CSMD1: variants seen among roughly 807,000 people sequenced by gnomAD.
CSMD1 encodes the protein CUB and Sushi multiple domains 1.
In CSMD1, 213 loss-of-function variants were observed where a neutral mutation model predicts 417.5. The observed-to-expected ratio is 0.51, with a 90% CI of 0.46 to 0.57. The LOEUF (loss-of-function observed/expected upper bound fraction) is 0.57. Ranked by LOEUF, CSMD1 falls within the 20% of genes least tolerant of loss-of-function variation. The pLI is 0.00. For synonymous variants in CSMD1, 2,862 were observed against 1,736.8 expected, an observed-to-expected ratio of 1.65 and a Z score of -16.11; for missense variants, 6,923 against 4,529.7, an observed-to-expected ratio of 1.53 and a Z score of -15.17.
At chr8:3,992,533 C>A (rs898643150) in intron 5 of CSMD1, among the ~76,000 whole-genome samples, 3 of 152,128 alleles carry the variant, frequency 2.0e-5, no homozygotes, top group South Asian at 2.1e-4. Context: ...GCCTGTAATT[C>A]CACACTTTGG....
At chr8:4,035,867 G>T (rs191010114) in intron 3 of CSMD1, among the ~76,000 whole-genome samples, 8 of 152,126 alleles carry the variant, frequency 5.3e-5, no homozygotes, top group African/African-American at 1.7e-4. Flanking sequence ...GTCGTACATA[G>T]TCCCGTCCGA....
intron 3 of CSMD1, among the ~76,000 whole-genome samples, chr8:4,080,392 G>T (rs939547784): frequency 2.0e-5 from 3 of 152,150 alleles, no homozygotes; most frequent in Admixed American, 6.6e-5. Flanking sequence ...TCTACATATT[G>T]AATTTCCAAA....
At chr8:4,395,011 C>A (rs58270666) in intron 3 of CSMD1, among the ~76,000 whole-genome samples, 4,579 of 152,246 alleles carry the variant, frequency 0.03, 217 homozygotes, top group African/African-American at 0.1. Flanking sequence ...AGGAGGTAGA[C>A]CCTTTCCCTC....
intron 2 of CSMD1, among the ~76,000 whole-genome samples, chr8:4,452,722 C>G (rs77584844): frequency 6.6e-6 from 1 of 151,932 alleles, no homozygotes. Flanking sequence ...TAAATCAACA[C>G]GGACACAGAC....
rs192087108 is a variant in CSMD1 at position 4,219,149 on chromosome 8, G to A, written c.416-187050C>T. Among the ~76,000 whole-genome samples the A allele has an allele frequency of 2.0e-5, 3 of 152,212 alleles. No homozygotes were observed. The East Asian group carries it at 5.8e-4, about 29-fold the overall frequency. On this transcript the variant is annotated intron_variant, in intron 3 of 69. Transcript: ENST00000635120. ...TCCTTTCATCTGTGCCCTTTTTGTA[G>A]CACCTGGTGTTGTGTTCCCATCTCC...
intron 7 of CSMD1, among the ~76,000 whole-genome samples, chr8:3,646,809 C>G (rs1010593269): frequency 2.0e-5 from 3 of 152,094 alleles, no homozygotes; most frequent in Non-Finnish European, 4.4e-5. Context: ...CCAGCCCTGT[C>G]TTGCTTCCCC....
chr8:3,387,555 G>T lies in CSMD1; in HGVS notation c.2721C>A (p.Asp907Glu), dbSNP rs199764157. Reference sequence around the variant, plus strand: ...TCCTCTCACAGACGAGGGGCTCGTCGTCACTTAGTGTGTACCCCGGGTCAC... The same window carrying T: ...TCCTCTCACAGACGAGGGGCTCGTCTTCACTTAGTGTGTACCCCGGGTCAC... ...FSCDPGYTLS[D>E]DEPLVCERNH... Residue 907 changes from aspartate (D) to glutamate (E), a missense_variant, in exon 18 of 70, where the codon GAC (aspartate) becomes GAA (glutamate). By Grantham distance (45) the Asp-to-Glu change is conservative. Coordinates refer to ENST00000635120, the MANE Select transcript of CSMD1 (RefSeq NM_033225.6). 2 of 1,601,370 alleles carry T rather than the reference G, an allele frequency of 1.2e-6. No individual in the cohort carries two copies. Among genetic ancestry groups the T allele is most frequent in the Non-Finnish European group, 1.7e-6 (2 of 1,174,030 alleles).
At chr8:3,699,448 G>T (rs978671435) in intron 7 of CSMD1, among the ~76,000 whole-genome samples, 2 of 152,188 alleles carry the variant, frequency 1.3e-5, no homozygotes, top group Admixed American at 1.3e-4. Flanking sequence ...CAAGTCTACA[G>T]ATAAGACATT....
intron 1 of CSMD1, among the ~76,000 whole-genome samples, chr8:4,929,027 C>T (rs778341669): frequency 6.6e-6 from 1 of 152,148 alleles, no homozygotes; most frequent in Non-Finnish European, 1.5e-5. Flanking sequence ...GCCGAGATTG[C>T]ACCACTGCAT....
intron 4 of CSMD1, among the ~76,000 whole-genome samples, chr8:4,023,551 T>C (rs17068622): frequency 0.12 from 17,646 of 151,478 alleles, 1,192 homozygotes; most frequent in South Asian, 0.22. Context: ...ATTCACGCAC[T>C]TACCAAAATA....
intron 3 of CSMD1, among the ~76,000 whole-genome samples, chr8:4,167,585 G>A (rs904190123): frequency 6.6e-6 from 1 of 152,140 alleles, no homozygotes; most frequent in Non-Finnish European, 1.5e-5. Context: ...AACCATTTAA[G>A]GATATGCAAA....
intron 41 of CSMD1, among the ~76,000 whole-genome samples, chr8:3,124,118 A>C (rs1365604820): frequency 6.6e-6 from 1 of 152,214 alleles, no homozygotes; most frequent in Non-Finnish European, 1.5e-5. Context: ...CTCAATGGCA[A>C]CAAAACAATT....
At chr8:4,501,660 G>C (rs988055955) in intron 2 of CSMD1, among the ~76,000 whole-genome samples, 2 of 152,136 alleles carry the variant, frequency 1.3e-5, no homozygotes, top group African/African-American at 2.4e-5. Context: ...CTCCATCCCA[G>C]CCAGGACATG....
At chr8:3,181,806 C>T (rs1585577591) in intron 36 of CSMD1, among the ~76,000 whole-genome samples, 1 of 152,116 alleles carries the variant, frequency 6.6e-6, no homozygotes, top group South Asian at 2.1e-4. Context: ...TAGCCTACAT[C>T]ACAGTAACTA....
intron 9 of CSMD1, among the ~76,000 whole-genome samples, chr8:3,576,268 A>AAATAATAATAATAATAAT (rs60673988): frequency 6.1e-5 from 9 of 147,704 alleles, no homozygotes; most frequent in African/African-American, 2.2e-4. Context: ...ATGCATGTCA[A>AAATAATAATAATAATAAT]AATAATAATA....
chr8:3,273,085 T>A (rs1024386025), intron 26 of CSMD1, among the ~76,000 whole-genome samples: 3 of 152,232 alleles, frequency 2.0e-5, no homozygotes, highest in African/African-American at 7.2e-5. Context: ...AGATAGCTCT[T>A]ATTATTTTGA....
intron 3 of CSMD1, among the ~76,000 whole-genome samples, chr8:4,276,681 G>A (rs1332635812): frequency 6.6e-6 from 1 of 152,120 alleles, no homozygotes; most frequent in Non-Finnish European, 1.5e-5. Context: ...ATTGATTCAG[G>A]AAACGAAGTC....
chr8:3,573,335 A>C (rs982414885), intron 10 of CSMD1, among the ~76,000 whole-genome samples: 2 of 152,190 alleles, frequency 1.3e-5, no homozygotes, highest in Admixed American at 1.3e-4. Context: ...CTTGGTAAAA[A>C]ACTGAGTAAC....
At chr8:4,764,889 A>AAAACAAAACAAAC (rs1554473658) in intron 1 of CSMD1, among the ~76,000 whole-genome samples, 1,433 of 39,978 alleles carry the variant, frequency 0.036, 39 homozygotes, top group African/African-American at 0.13. Flanking sequence ...AAAAAAAAAA[A>AAAACAAAACAAAC]AAAAACAACA....
Sources: gnomAD v4.1 joint callset for allele counts (sites outside exome capture counted in the v4.1 genomes callset) on GRCh38, gnomAD v4.1.1 for gene constraint, MANE v1.5 for transcripts, NCBI Gene and HGNC (gene_info 2026-07-23, HGNC 2026-07-21) for gene names.